NTM: variants seen among roughly 807,000 people sequenced by gnomAD.
The protein encoded by NTM is neurotrimin.
NTM carries 13 observed loss-of-function variants against 42.1 expected under a neutral mutation model. The ratio of observed to expected loss-of-function variants is 0.31; its 90% CI spans 0.20 to 0.49. The LOEUF (loss-of-function observed/expected upper bound fraction) is 0.49, where lower values mean the gene tolerates loss of function less well. Ranked by LOEUF, NTM falls within the 20% of genes least tolerant of loss-of-function variation. NTM has a pLI of 0.99. For missense variants in NTM, 373 were observed against 452.8 expected, an observed-to-expected ratio of 0.82 and a Z score of 1.60; for synonymous variants, 187 against 179.2, an observed-to-expected ratio of 1.04 and a Z score of -0.35.
At chr11:131,494,498 T>C (rs1460349001) in intron 1 of NTM, among the ~76,000 whole-genome samples, 2 of 152,210 alleles carry the variant, frequency 1.3e-5, no homozygotes, top group African/African-American at 4.8e-5. Context: ...CATGTTATGG[T>C]AACCAATTGA....
intron 4 of NTM, among the ~76,000 whole-genome samples, chr11:132,231,571 T>C (rs1298008248): frequency 6.6e-6 from 1 of 152,238 alleles, no homozygotes; most frequent in East Asian, 1.9e-4. Context: ...TAGGTTTTAA[T>C]AAACCAAAAC....
In NTM at chr11:132,158,427, C is replaced by T. The variant is rs573186035; in HGVS notation, c.400+11913C>T. ...ACCCCACATCATCACACCCTAGCAC[C>T]TTTCTTGCCTTGTTTGTTCTTTATA... On this transcript the variant is annotated intron_variant, in intron 3 of 8. Coordinates refer to ENST00000683400, the MANE Select transcript of NTM (RefSeq NM_001352005.2). Among the ~76,000 whole-genome samples the T allele has an allele frequency of 1.1e-3, 165 of 152,372 alleles. 1 individual carries two copies. Among genetic ancestry groups the T allele is most frequent in the African/African-American group, 3.7e-3 (155 of 41,592 alleles).
At chr11:131,994,381 G>A (rs2067602517) in intron 2 of NTM, among the ~76,000 whole-genome samples, 1 of 152,180 alleles carries the variant, frequency 6.6e-6, no homozygotes, top group Non-Finnish European at 1.5e-5. Context: ...ATAGGAGAAA[G>A]TGAGAGTTGC....
intron 1 of NTM, among the ~76,000 whole-genome samples, chr11:131,699,608 T>G (rs1390008796): frequency 6.6e-6 from 1 of 152,084 alleles, no homozygotes; most frequent in African/African-American, 2.4e-5. Flanking sequence ...GGAAAGAGGT[T>G]TAGTTGACTC....
At chr11:131,983,103 G>C (rs1450497409) in intron 2 of NTM, among the ~76,000 whole-genome samples, 1 of 150,940 alleles carries the variant, frequency 6.6e-6, no homozygotes, top group Non-Finnish European at 1.5e-5. Flanking sequence ...ATTGTCTAAA[G>C]AAGAGGCAAA....
intron 1 of NTM, among the ~76,000 whole-genome samples, chr11:131,785,898 G>C (rs755722867): frequency 1.3e-5 from 2 of 152,156 alleles, no homozygotes; most frequent in Non-Finnish European, 2.9e-5. Flanking sequence ...GGGCTCAGAC[G>C]GTTTACGATT....
At chr11:131,649,401 A>G (rs1009688392) in intron 1 of NTM, among the ~76,000 whole-genome samples, 4 of 152,196 alleles carry the variant, frequency 2.6e-5, no homozygotes, top group Admixed American at 6.5e-5. Flanking sequence ...TGAACGGGAT[A>G]AAAAGTGGTC....
intron 2 of NTM, among the ~76,000 whole-genome samples, chr11:131,913,348 A>G (rs1288662419): frequency 6.6e-6 from 1 of 151,758 alleles, no homozygotes; most frequent in Non-Finnish European, 1.5e-5. Flanking sequence ...TTTTTCAAGG[A>G]AAAGGTGTAA....
intron 1 of NTM, among the ~76,000 whole-genome samples, chr11:131,679,416 C>T (rs1299979654): frequency 6.6e-6 from 1 of 151,990 alleles, no homozygotes; most frequent in Non-Finnish European, 1.5e-5. Context: ...TTTTTACGGC[C>T]TTTAGAAGGT....
intron 1 of NTM, among the ~76,000 whole-genome samples, chr11:131,444,829 G>T (rs1949920639): frequency 6.6e-6 from 1 of 152,176 alleles, no homozygotes. Flanking sequence ...GAGAGAAGAT[G>T]TAAGAGAAGG....
intron 1 of NTM, among the ~76,000 whole-genome samples, chr11:131,768,255 A>C (rs138788895): frequency 6.6e-6 from 1 of 150,964 alleles, no homozygotes. Context: ...AGTAGCTGGG[A>C]TTATAGGCAT....
intron 1 of NTM, among the ~76,000 whole-genome samples, chr11:131,899,680 AC>A (rs1366242403): frequency 6.6e-6 from 1 of 152,118 alleles, no homozygotes; most frequent in Non-Finnish European, 1.5e-5. Context: ...ATTTATTCAA[AC>A]CTTTTCATAT....
intron 1 of NTM, among the ~76,000 whole-genome samples, chr11:131,856,402 C>T (rs549031678): frequency 5.3e-5 from 8 of 152,146 alleles, no homozygotes; most frequent in South Asian, 4.1e-4. Context: ...TCTTAATCCC[C>T]GTAACACCAT....
intron 1 of NTM, among the ~76,000 whole-genome samples, chr11:131,857,760 G>C (rs917244011): frequency 4.6e-5 from 7 of 151,976 alleles, no homozygotes; most frequent in African/African-American, 1.4e-4. Flanking sequence ...TTCTTGTTTA[G>C]TCTATGTTAT....
intron 4 of NTM, among the ~76,000 whole-genome samples, chr11:132,259,912 C>CTAATTTTTG (rs1447670988): frequency 6.6e-6 from 1 of 151,846 alleles, no homozygotes; most frequent in African/African-American, 2.4e-5. Flanking sequence ...CCATGCCTAG[C>CTAATTTTTG]TAATTTTTGT....
At chr11:132,130,434 A>G (rs1317895378) in intron 2 of NTM, among the ~76,000 whole-genome samples, 1 of 152,102 alleles carries the variant, frequency 6.6e-6, no homozygotes, top group East Asian at 1.9e-4. Context: ...TGAGAGGAGC[A>G]ATCATGTTGC....
At chr11:131,925,409 G>A (rs1347091177) in intron 2 of NTM, among the ~76,000 whole-genome samples, 1 of 127,018 alleles carries the variant, frequency 7.9e-6, no homozygotes, top group Non-Finnish European at 1.6e-5. Flanking sequence ...TTTTTTAACA[G>A]GGTCTCGCTC....
In NTM at chr11:131,584,297, G is replaced by A. The variant is rs144118388; in HGVS notation, c.82+213409G>A. 3.6e-3 allele frequency among the ~76,000 whole-genome samples: 551 copies of A among 152,268 alleles called. 2 individuals are homozygous for A. The highest frequency in any genetic ancestry group is 0.013 in the African/African-American group (525 of 41,544). ...TGATCAGCATCCGACTTTTATGGCC[G>A]GCTACTAACCCAGCCAGCATTTTCT... On this transcript the variant is annotated intron_variant, in intron 1 of 8. Transcript: ENST00000683400.
chr11:132,075,199 G>A (rs1016870259), intron 2 of NTM, among the ~76,000 whole-genome samples: 1 of 152,112 alleles, frequency 6.6e-6, no homozygotes, highest in Non-Finnish European at 1.5e-5. Flanking sequence ...AGGGGAATGA[G>A]CATGGAGTTT....
Sources: allele counts gnomAD v4.1 joint callset (sites outside exome capture counted in the v4.1 genomes callset), GRCh38; gene constraint gnomAD v4.1.1; transcripts MANE v1.5; gene names NCBI Gene and HGNC (gene_info 2026-07-23, HGNC 2026-07-21).